The following ELMO1 variants were observed in gnomAD, a reference collection of about 807,000 sequenced individuals.
The protein encoded by ELMO1 is engulfment and cell motility protein 1.
In ELMO1, 26 loss-of-function variants were observed where a neutral mutation model predicts 98.9. That is an observed-to-expected ratio of 0.26 (90% CI 0.19 to 0.36). The LOEUF is 0.36. Ranked by LOEUF, ELMO1 falls within the 10% of genes least tolerant of loss-of-function variation. The probability of loss-of-function intolerance (pLI) is 1.00; values close to 1 mark genes in which losing one functional copy is unlikely to be tolerated. For synonymous variants in ELMO1, 346 were observed against 346.0 expected (o/e 1.00, Z 0.00); for missense variants, 627 against 935.2 (o/e 0.67, Z 4.30).
intron 13 of ELMO1, among the ~76,000 whole-genome samples, chr7:37,177,146 C>T (rs1420810400): frequency 6.6e-6 from 1 of 152,220 alleles, no homozygotes; most frequent in East Asian, 1.9e-4. Context: ...AGAATGAGAA[C>T]TCTAAACATA....
chr7:36,910,971 G>A (rs1784303925), intron 16 of ELMO1, among the ~76,000 whole-genome samples: 1 of 152,120 alleles, frequency 6.6e-6, no homozygotes, highest in African/African-American at 2.4e-5. Flanking sequence ...GAATAAGCTT[G>A]TGAGAAAATG....
intron 15 of ELMO1, among the ~76,000 whole-genome samples, chr7:37,025,863 T>G (rs1161268176): frequency 6.7e-6 from 1 of 150,288 alleles, no homozygotes; most frequent in Non-Finnish European, 1.5e-5. Context: ...TTTATAAGGA[T>G]TCTCTGTCTC....
chr7:36,901,682 G>A (rs1289922586), intron 16 of ELMO1, among the ~76,000 whole-genome samples: 3 of 152,046 alleles, frequency 2.0e-5, no homozygotes, highest in Admixed American at 6.6e-5. Context: ...TCTGAACCTT[G>A]GTTTTCTTAT....
intron 14 of ELMO1, among the ~76,000 whole-genome samples, chr7:37,108,659 C>T (rs980656892): frequency 6.6e-6 from 1 of 152,206 alleles, no homozygotes; most frequent in African/African-American, 2.4e-5. Context: ...GTATAGGTGT[C>T]TTACCTTCCC....
intron 15 of ELMO1, among the ~76,000 whole-genome samples, chr7:37,037,774 CATTTT>C (rs1378941769): frequency 3.3e-5 from 5 of 152,174 alleles, no homozygotes; most frequent in African/African-American, 4.8e-5. Context: ...GACATCACTT[CATTTT>C]GTCTGAATGA....
intron 4 of ELMO1, among the ~76,000 whole-genome samples, chr7:37,305,937 T>C (rs1443300730): frequency 6.6e-6 from 1 of 152,108 alleles, no homozygotes; most frequent in Non-Finnish European, 1.5e-5. Context: ...TAGTAGACAA[T>C]AATACCTGTA....
intron 5 of ELMO1, 104 bp downstream of exon 5, chr7:37,271,728 G>C: frequency 1.6e-6 from 2 of 1,227,834 alleles, no homozygotes; most frequent in South Asian, 2.7e-5. Context: ...GAAGCCTTTT[G>C]CTTTGCACTA....
At chr7:37,384,015 C>T (rs1003262100) in intron 1 of ELMO1, among the ~76,000 whole-genome samples, 1 of 152,136 alleles carries the variant, frequency 6.6e-6, no homozygotes. Context: ...CGGGGTTTCA[C>T]CGTGTTAGCC....
intron 2 of ELMO1, among the ~76,000 whole-genome samples, chr7:37,326,756 GATAGAAATA>G (rs1799841069): frequency 6.6e-6 from 1 of 152,136 alleles, no homozygotes; most frequent in Non-Finnish European, 1.5e-5. Flanking sequence ...GATAAGCAAA[GATAGAAATA>G]ATTATGTTGA....
intron 1 of ELMO1, among the ~76,000 whole-genome samples, chr7:37,370,704 G>T (rs544615726): frequency 1.3e-5 from 2 of 152,174 alleles, no homozygotes; most frequent in South Asian, 4.1e-4. Context: ...GAGACCCCCC[G>T]CCAAGCTGAC....
intron 1 of ELMO1, among the ~76,000 whole-genome samples, chr7:37,406,921 C>T (rs951579407): frequency 2.6e-5 from 4 of 152,122 alleles, no homozygotes; most frequent in African/African-American, 4.8e-5. Context: ...TGAAAGAATT[C>T]ATCAGTATTA....
At chr7:37,038,084 T>C (rs988928672) in intron 15 of ELMO1, among the ~76,000 whole-genome samples, 8 of 152,162 alleles carry the variant, frequency 5.3e-5, no homozygotes, top group Non-Finnish European at 7.4e-5. Context: ...TGTGGCTCTG[T>C]GCTTTTCAAT....
intron 16 of ELMO1, among the ~76,000 whole-genome samples, chr7:36,925,833 G>A (rs566848747): frequency 1.3e-5 from 2 of 152,328 alleles, no homozygotes; most frequent in Admixed American, 1.3e-4. Context: ...GGCTGCAGCA[G>A]AAATTTGTTT....
chr7:37,108,148 T>C (rs1785043560), intron 14 of ELMO1, among the ~76,000 whole-genome samples: 1 of 152,194 alleles, frequency 6.6e-6, no homozygotes, highest in East Asian at 1.9e-4. Flanking sequence ...AGGAAATATT[T>C]TCTTCCTATT....
At chr7:37,030,142 C>A (rs1412837295) in intron 15 of ELMO1, among the ~76,000 whole-genome samples, 1 of 152,046 alleles carries the variant, frequency 6.6e-6, no homozygotes, top group African/African-American at 2.4e-5. Context: ...TAAGGAGAGA[C>A]CATTTTAGAT....
At chr7:37,398,597 T>C (rs562157310) in intron 1 of ELMO1, among the ~76,000 whole-genome samples, 1 of 152,340 alleles carries the variant, frequency 6.6e-6, no homozygotes, top group South Asian at 2.1e-4. Context: ...ACTAACGGGC[T>C]GAAGTTTCCT....
intron 15 of ELMO1, among the ~76,000 whole-genome samples, chr7:37,088,381 A>G (rs1783893647): frequency 6.6e-6 from 1 of 152,202 alleles, no homozygotes; most frequent in South Asian, 2.1e-4. Context: ...GATTCTTAGG[A>G]TATCCACAAA....
At chr7:37,161,326 C>G (rs188299020) in intron 13 of ELMO1, among the ~76,000 whole-genome samples, 1 of 152,262 alleles carries the variant, frequency 6.6e-6, no homozygotes. Flanking sequence ...TTCCTGACAC[C>G]ATTCTGAGCC....
intron 1 of ELMO1, among the ~76,000 whole-genome samples, chr7:37,440,457 A>G (rs2392498): frequency 6.7e-6 from 1 of 148,328 alleles, no homozygotes; most frequent in Non-Finnish European, 1.5e-5. Flanking sequence ...AAAAAAAAAG[A>G]AAAGAAAAGA....
Sources: allele counts gnomAD v4.1 joint callset (sites outside exome capture counted in the v4.1 genomes callset), GRCh38; gene constraint gnomAD v4.1.1; transcripts MANE v1.5; gene names NCBI Gene and HGNC (gene_info 2026-07-23, HGNC 2026-07-21).